Variants in THSD7B observed in about 807,000 individuals in gnomAD.
The protein encoded by THSD7B is thrombospondin type-1 domain-containing protein 7B.
In THSD7B, 138 loss-of-function variants were observed where a neutral mutation model predicts 213.6. That is an observed-to-expected ratio of 0.65 (90% CI 0.56 to 0.74). The LOEUF is 0.74. Ranked by LOEUF, THSD7B falls within the 30% of genes least tolerant of loss-of-function variation. The pLI, the probability that THSD7B is intolerant of heterozygous loss-of-function variation, is 0.00. For synonymous variants in THSD7B, 742 were observed against 687.0 expected (o/e 1.08, Z -1.25); for missense variants, 1,931 against 1,991.5 (o/e 0.97, Z 0.58).
chr2:136,906,088 A>G (rs926979993), intron 2 of THSD7B, among the ~76,000 whole-genome samples: 42 of 152,158 alleles, frequency 2.8e-4, no homozygotes, highest in African/African-American at 1.0e-3. Context: ...TGCCCTGCTC[A>G]CTGTGATCCC....
Position 137,494,758 on chromosome 2 carries a change from C to T in THSD7B, c.3138+43735C>T, listed in dbSNP as rs189378624. 3.9e-5 allele frequency among the ~76,000 whole-genome samples: 6 copies of T among 152,262 alleles called. No homozygotes were observed. The East Asian group carries it at 1.2e-3, about 29-fold the overall frequency. On this transcript the variant is annotated intron_variant, in intron 15 of 27. Coordinates refer to ENST00000409968, the MANE Select transcript of THSD7B (RefSeq NM_001316349.2). ...CTTCCCTGACTTTGTAACCATGGCC[C>T]TTTGTGATCTGGTGCTATGCCTCTA...
rs77308485 is a variant in THSD7B, at chr2:136,884,768, C to A, written c.139+2451C>A. Among the ~76,000 whole-genome samples the A allele has an allele frequency of 2.9e-3, 439 of 152,156 alleles. 11 individuals carry two copies. In the East Asian group the frequency reaches 0.07, roughly 24 times the overall value. ...CATCTTTTAATGACTGCATAGTATT[C>A]TTTAGCATTTTTATTTAATAAATTT... On this transcript the variant is annotated intron_variant, in intron 2 of 27. Coordinates refer to ENST00000409968, the MANE Select transcript of THSD7B (RefSeq NM_001316349.2).
intron 3 of THSD7B, among the ~76,000 whole-genome samples, chr2:137,065,150 A>G (rs973019482): frequency 1.3e-5 from 2 of 152,094 alleles, no homozygotes; most frequent in African/African-American, 4.8e-5. Context: ...ATCCATGAAC[A>G]AGGATTATTT....
intron 7 of THSD7B, among the ~76,000 whole-genome samples, chr2:137,202,586 T>C (rs1680900972): frequency 6.6e-6 from 1 of 152,192 alleles, no homozygotes; most frequent in African/African-American, 2.4e-5. Context: ...GACTTCTGTT[T>C]TTCAGGACTG....
intron 15 of THSD7B, among the ~76,000 whole-genome samples, chr2:137,534,413 A>G (rs1273743050): frequency 1.3e-5 from 2 of 151,626 alleles, no homozygotes; most frequent in Admixed American, 6.6e-5. Flanking sequence ...AAGTTCCAGG[A>G]CAGTGAATAT....
intron 15 of THSD7B, among the ~76,000 whole-genome samples, chr2:137,499,687 C>T (rs1679655792): frequency 6.6e-6 from 1 of 152,186 alleles, no homozygotes; most frequent in Non-Finnish European, 1.5e-5. Context: ...CATGACAATA[C>T]TGAAGCTCCT....
chr2:136,977,886 G>A (rs1021215171), intron 2 of THSD7B, among the ~76,000 whole-genome samples: 2 of 148,994 alleles, frequency 1.3e-5, no homozygotes, highest in African/African-American at 5.0e-5. Flanking sequence ...TGCAACCTCT[G>A]CCTCCCAGGT....
At position 137,232,947 on chromosome 2, in the gene THSD7B, G is replaced by C. The variant is rs747018260; in HGVS notation, c.1964G>C (p.Cys655Ser). ...CAGGCTCTCCAAGAGCATCGTTTGT[G>C]TAATGACCATTCCTGTATGCAGCTT... ...PSQALQEHRL[C>S]NDHSCMQLHW... The change falls in exon 9 of 28, where the codon TGT becomes TCT. Residue 655 changes from cysteine to serine, a missense_variant. Cys to Ser is a moderately radical substitution (Grantham distance 112). Coordinates refer to ENST00000409968, the MANE Select transcript of THSD7B (RefSeq NM_001316349.2). The C allele has an allele frequency of 6.2e-7, 1 of 1,613,954 alleles. No homozygotes were observed. Among genetic ancestry groups the C allele is most frequent in the Non-Finnish European group, 8.5e-7 (1 of 1,179,836 alleles).
In THSD7B at chr2:137,622,844, A is replaced by G. The variant is rs537980547; in HGVS notation, c.3799+2118A>G. On this transcript the variant is annotated intron_variant, in intron 20 of 27. Transcript: ENST00000409968. ...AAATTGAGGCAATAATTAATAGACTACCAACCAAAAAAAGTCCAGGACCAG... is the reference window on the plus strand; with the variant it reads ...AAATTGAGGCAATAATTAATAGACTGCCAACCAAAAAAAGTCCAGGACCAG... 3.9e-5 allele frequency among the ~76,000 whole-genome samples: 6 copies of G among 152,306 alleles called. No homozygotes were observed. The South Asian group carries it at 1.2e-3, about 32-fold the overall frequency.
intron 12 of THSD7B, among the ~76,000 whole-genome samples, chr2:137,345,867 A>G (rs374105632): frequency 6.6e-6 from 1 of 151,606 alleles, no homozygotes; most frequent in African/African-American, 2.4e-5. Flanking sequence ...CTCAGCACAC[A>G]TATATATGAA....
intron 12 of THSD7B, among the ~76,000 whole-genome samples, chr2:137,290,003 A>G (rs1429643421): frequency 6.6e-6 from 1 of 151,932 alleles, no homozygotes; most frequent in Non-Finnish European, 1.5e-5. Flanking sequence ...AAGATAAAAG[A>G]CCTCTTTATA....
chr2:136,930,421 T>G (rs1573716846), intron 2 of THSD7B, among the ~76,000 whole-genome samples: 1 of 152,164 alleles, frequency 6.6e-6, no homozygotes. Flanking sequence ...GCAGATAAAG[T>G]TGGCTGGATA....
intron 7 of THSD7B, among the ~76,000 whole-genome samples, chr2:137,216,131 G>A (rs1218552308): frequency 2.0e-5 from 3 of 152,204 alleles, no homozygotes; most frequent in African/African-American, 7.2e-5. Context: ...ATGAAAGTTT[G>A]TGAAGATATG....
chr2:136,979,069 T>C (rs567538261), intron 2 of THSD7B, among the ~76,000 whole-genome samples: 109 of 152,282 alleles, frequency 7.2e-4, no homozygotes, highest in Non-Finnish European at 1.4e-3. Flanking sequence ...TGGCCAGATA[T>C]GAAATTCTGG....
At chr2:137,119,340 G>A (rs568027104) in intron 5 of THSD7B, among the ~76,000 whole-genome samples, 1 of 152,322 alleles carries the variant, frequency 6.6e-6, no homozygotes, top group South Asian at 2.1e-4. Context: ...TCATAAGGGT[G>A]TCCCCAGTAA....
chr2:137,436,016 A>T (rs549670042), intron 14 of THSD7B, among the ~76,000 whole-genome samples: 37 of 152,114 alleles, frequency 2.4e-4, no homozygotes, highest in African/African-American at 8.7e-4. Context: ...GTTATTTTTA[A>T]TTCAGTTTCA....
intron 14 of THSD7B, among the ~76,000 whole-genome samples, chr2:137,448,672 G>A (rs1000188165): frequency 6.6e-6 from 1 of 152,138 alleles, no homozygotes; most frequent in Non-Finnish European, 1.5e-5. Flanking sequence ...GGTGGCGGGC[G>A]CCTGTAGTCC....
At chr2:137,283,301 T>G (rs1443590307) in intron 12 of THSD7B, among the ~76,000 whole-genome samples, 1 of 152,214 alleles carries the variant, frequency 6.6e-6, no homozygotes, top group Admixed American at 6.5e-5. Context: ...AAGGAGATTT[T>G]GGGCTGAGAT....
In THSD7B at chr2:137,336,547, C is replaced by G. The variant is rs551697074; in HGVS notation, c.2500+60521C>G. 9.2e-5 allele frequency among the ~76,000 whole-genome samples: 14 copies of G among 152,224 alleles called. 1 individual carries two copies. In the South Asian group the frequency reaches 2.9e-3, roughly 32 times the overall value. Reference sequence around the variant, plus strand: ...TCCACCTTCTGGATGGGTTTCATATCAAACCAAAATCAAGACATGTGCAAA... The same window carrying G: ...TCCACCTTCTGGATGGGTTTCATATGAAACCAAAATCAAGACATGTGCAAA... On this transcript the variant is annotated intron_variant, in intron 12 of 27. Coordinates refer to ENST00000409968, the MANE Select transcript of THSD7B (RefSeq NM_001316349.2).
Sources: allele counts gnomAD v4.1 joint callset (sites outside exome capture counted in the v4.1 genomes callset), GRCh38; gene constraint gnomAD v4.1.1; transcripts MANE v1.5; gene names NCBI Gene and HGNC (gene_info 2026-07-23, HGNC 2026-07-21).